Variants in ZSWIM5 observed in about 807,000 individuals in gnomAD.
ZSWIM5 encodes the protein zinc finger SWIM domain-containing protein 5.
A neutral mutation model predicts 119.6 loss-of-function variants in ZSWIM5; 55 were observed. The observed-to-expected ratio is 0.46, with a 90% CI of 0.37 to 0.58. The LOEUF is 0.58. ZSWIM5 is among the 20% of genes least tolerant of loss of function. The pLI is 0.00. For missense variants in ZSWIM5, 1,193 were observed against 1,512.8 expected, an observed-to-expected ratio of 0.79 and a Z score of 3.51; for synonymous variants, 537 against 606.9, an observed-to-expected ratio of 0.88 and a Z score of 1.69.
Position 45,092,939 on chromosome 1 carries a change from CCTAT to C in ZSWIM5, c.596-4706_596-4703del, listed in dbSNP as rs576663509. Among the ~76,000 whole-genome samples, 176 of 152,226 alleles carry C rather than the reference CCTAT, an allele frequency of 1.2e-3. 2 individuals carry two copies. Among genetic ancestry groups the C allele is most frequent in the African/African-American group, 3.0e-3 (126 of 41,530 alleles). ...CATAGGCCAATTCCTTGAAATAAAT[CCTAT>C]CTATCTATCTATCTATCTATCATCT... On this transcript the variant is annotated intron_variant, in intron 1 of 13. Coordinates refer to ENST00000359600, the MANE Select transcript of ZSWIM5 (RefSeq NM_020883.2).
intron 1 of ZSWIM5, among the ~76,000 whole-genome samples, chr1:45,160,989 A>ATTTTTTTTT (rs534599856): frequency 1.6e-5 from 2 of 122,666 alleles, no homozygotes; most frequent in Admixed American, 8.4e-5. Flanking sequence ...GCCCGGCTAA[A>ATTTTTTTTT]TTTTTTTTTT....
chr1:45,194,743 G>A (rs1646112322), intron 1 of ZSWIM5, among the ~76,000 whole-genome samples: 1 of 152,036 alleles, frequency 6.6e-6, no homozygotes, highest in South Asian at 2.1e-4. Flanking sequence ...CAGGCGTGGT[G>A]GCGGGCATCT....
chr1:45,173,727 T>C (rs909984667), intron 1 of ZSWIM5, among the ~76,000 whole-genome samples: 2 of 152,156 alleles, frequency 1.3e-5, no homozygotes, highest in African/African-American at 4.8e-5. Context: ...AATTATAACA[T>C]GTTAAATATT....
intron 11 of ZSWIM5, among the ~76,000 whole-genome samples, chr1:45,028,886 C>T (rs1486200020): frequency 6.6e-6 from 1 of 152,092 alleles, no homozygotes; most frequent in African/African-American, 2.4e-5. Flanking sequence ...AGTTCAAGAC[C>T]AGCTAGGGTA....
chr1:45,173,149 A>C (rs1381325798), intron 1 of ZSWIM5, among the ~76,000 whole-genome samples: 1 of 152,128 alleles, frequency 6.6e-6, no homozygotes, highest in Admixed American at 6.6e-5. Context: ...TGGGTGACAT[A>C]GCAAGACCTT....
In ZSWIM5 at chr1:45,160,989, A is replaced by ATTTTTTTTTTTTTTT. The variant is rs534599856; in HGVS notation, c.595+44752_595+44766dup. Among the ~76,000 whole-genome samples, 74 of 122,630 alleles carry ATTTTTTTTTTTTTTT rather than the reference A, an allele frequency of 6.0e-4. 4 individuals are homozygous for ATTTTTTTTTTTTTTT. Among genetic ancestry groups the ATTTTTTTTTTTTTTT allele is most frequent in the African/African-American group, 9.7e-4 (32 of 33,108 alleles). The allele number at this position is 122,630 out of a possible 152,430, so 80.5% of individuals were successfully genotyped here. On this transcript the variant is annotated intron_variant, in intron 1 of 13. Transcript: ENST00000359600. ...AGCGCCTGCCACCATGCCCGGCTAAATTTTTTTTTTTTTTTTTAGTAGAGA... is the reference window on the plus strand; with the variant it reads ...AGCGCCTGCCACCATGCCCGGCTAAATTTTTTTTTTTTTTTTTTTTTTTTTTTTTTTTAGTAGAGA...
At chr1:45,070,294 TGG>T (rs2149004419) in intron 2 of ZSWIM5, 1 of 1,437,132 alleles carries the variant, frequency 7.0e-7, no homozygotes, top group Non-Finnish European at 9.8e-7. Context: ...ATTATTCCTC[TGG>T]TGATGAGGAA....
rs115848512 is a variant in ZSWIM5, at chr1:45,142,164, T to C, written c.596-53927A>G. Among the ~76,000 whole-genome samples the C allele has an allele frequency of 2.5e-3, 383 of 151,424 alleles. 2 individuals are homozygous for C. Among genetic ancestry groups the C allele is most frequent in the African/African-American group, 8.9e-3 (365 of 41,216 alleles). ...AAGCTGAGGCTGCAGTGAGCCGAGA[T>C]CACACCACTGCACTCCAGCCTAGGT... On this transcript the variant is annotated intron_variant, in intron 1 of 13. Transcript: ENST00000359600.
In ZSWIM5 at chr1:45,036,264, C is replaced by T. The variant is rs1478455660; in HGVS notation, c.1930G>A (p.Val644Ile). The T allele has an allele frequency of 6.2e-7, 1 of 1,613,832 alleles. No homozygotes were observed. The highest frequency in any genetic ancestry group is 8.5e-7 in the Non-Finnish European group (1 of 1,179,982). The stretch of plus-strand genomic sequence containing the variant: ...TTTGGGGAGCCTGCAGCCACAGGTA[C>T]ATGCTGGTACACAGGGGGTCTGCTT... ...NESRPPVYQH[V>I]PVAAGSPNSS... is the part of the protein sequence containing the mutation. The change falls in exon 9 of 14, where the codon GTA becomes ATA. Residue 644 changes from valine to isoleucine, a missense_variant. Val to Ile is a conservative substitution (Grantham distance 29). Transcript: ENST00000359600.
chr1:45,140,836 TTA>T (rs1645721894), intron 1 of ZSWIM5, among the ~76,000 whole-genome samples: 5 of 152,202 alleles, frequency 3.3e-5, no homozygotes, highest in African/African-American at 1.2e-4. Context: ...TGAAAAGTCA[TTA>T]GTAGCAGACA....
chr1:45,203,039 CTG>C (rs571878639), intron 1 of ZSWIM5, among the ~76,000 whole-genome samples: 32 of 152,124 alleles, frequency 2.1e-4, no homozygotes, highest in African/African-American at 7.7e-4. Context: ...TGAGATCAGA[CTG>C]TAAGTCTATT....
intron 1 of ZSWIM5, among the ~76,000 whole-genome samples, chr1:45,186,124 C>A (rs996144044): frequency 2.0e-5 from 3 of 150,950 alleles, no homozygotes; most frequent in Non-Finnish European, 4.4e-5. Flanking sequence ...AATTGGAAAT[C>A]ATCATTCTCA....
intron 1 of ZSWIM5, among the ~76,000 whole-genome samples, chr1:45,191,072 G>A (rs1290449209): frequency 6.7e-6 from 1 of 149,590 alleles, no homozygotes; most frequent in Non-Finnish European, 1.5e-5. Flanking sequence ...TCAGCCTCCC[G>A]AGTAGCTGGG....
intron 1 of ZSWIM5, among the ~76,000 whole-genome samples, chr1:45,184,141 T>C (rs12742024): frequency 6.6e-6 from 1 of 151,658 alleles, no homozygotes; most frequent in African/African-American, 2.4e-5. Context: ...GAACCAAAGA[T>C]AAAAACCACA....
intron 1 of ZSWIM5, among the ~76,000 whole-genome samples, chr1:45,153,226 G>A (rs186057419): frequency 2.0e-5 from 3 of 151,810 alleles, no homozygotes; most frequent in Non-Finnish European, 4.4e-5. Context: ...ATTTCTCAAA[G>A]AATTAAAAAT....
At chr1:45,115,521 G>C (rs1360987774) in intron 1 of ZSWIM5, among the ~76,000 whole-genome samples, 2 of 145,780 alleles carry the variant, frequency 1.4e-5, no homozygotes, top group Non-Finnish European at 3.0e-5. Flanking sequence ...GGGCAGAGGC[G>C]CTCCTCACAT....
At chr1:45,202,590 A>T (rs1478762447) in intron 1 of ZSWIM5, among the ~76,000 whole-genome samples, 1 of 152,056 alleles carries the variant, frequency 6.6e-6, no homozygotes, top group Non-Finnish European at 1.5e-5. Flanking sequence ...ACCTGTCAAA[A>T]TCTACTTAAA....
At chr1:45,157,303 T>G (rs1406183729) in intron 1 of ZSWIM5, among the ~76,000 whole-genome samples, 2 of 151,930 alleles carry the variant, frequency 1.3e-5, no homozygotes, top group Non-Finnish European at 2.9e-5. Context: ...GCCTCCCAAG[T>G]AGCTGGGACT....
rs1257873083 is a variant in ZSWIM5 at position 45,114,688 on chromosome 1, C to A, written c.596-26451G>T. Among the ~76,000 whole-genome samples, 3 of 138,612 alleles carry A rather than the reference C, an allele frequency of 2.2e-5. No homozygotes were observed. The East Asian group carries it at 6.1e-4, about 28-fold the overall frequency. 90.9% of individuals were successfully genotyped at this position (138,612 alleles called of 152,430 possible). A position where few individuals can be genotyped will look rare whatever the true frequency, so the allele number is the denominator to read the frequency against. Reference sequence around the variant, plus strand: ...ATTTATTGATCATTCTTGGGTGTTTCTCGGAGAGGGATTTGGCAGGGTCAT... The same window carrying A: ...ATTTATTGATCATTCTTGGGTGTTTATCGGAGAGGGATTTGGCAGGGTCAT... On this transcript the variant is annotated intron_variant, in intron 1 of 13. Transcript: ENST00000359600.
Sources: gnomAD v4.1 joint callset for allele counts (sites outside exome capture counted in the v4.1 genomes callset) on GRCh38, gnomAD v4.1.1 for gene constraint, MANE v1.5 for transcripts, NCBI Gene and HGNC (gene_info 2026-07-23, HGNC 2026-07-21) for gene names.